ATP6V1E1: variants seen among roughly 807,000 people sequenced by gnomAD.
ATP6V1E1 encodes the protein V-type proton ATPase subunit E 1.
In ATP6V1E1, 21 loss-of-function variants were observed where a neutral mutation model predicts 35.2. That is an observed-to-expected ratio of 0.60 (90% CI 0.42 to 0.86). The LOEUF is 0.86. Among genes scored for constraint, ATP6V1E1 ranks in the 40% least tolerant of loss-of-function variants. ATP6V1E1 has a pLI of 0.00. For missense variants in ATP6V1E1, 183 were observed against 272.6 expected, an observed-to-expected ratio of 0.67 and a Z score of 2.32; for synonymous variants, 83 against 87.8, an observed-to-expected ratio of 0.95 and a Z score of 0.30.
At chr22:17,605,935 T>C (rs1342942072) in intron 4 of ATP6V1E1, among the ~76,000 whole-genome samples, 1 of 151,976 alleles carries the variant, frequency 6.6e-6, no homozygotes, top group African/African-American at 2.4e-5. Flanking sequence ...GTGGGGATTA[T>C]AGGCATGGGG....
chr22:17,626,123 A>G (rs2057903172), intron 1 of ATP6V1E1, among the ~76,000 whole-genome samples: 1 of 151,728 alleles, frequency 6.6e-6, no homozygotes, highest in Non-Finnish European at 1.5e-5. Flanking sequence ...TGGCTAATAC[A>G]GTGAAACCCC....
chr22:17,619,871 T>TA (rs1393860834), intron 1 of ATP6V1E1, among the ~76,000 whole-genome samples: 1 of 152,210 alleles, frequency 6.6e-6, no homozygotes, highest in Admixed American at 6.5e-5. Context: ...ATAACACAGA[T>TA]AAATAGGACC....
chr22:17,622,295 C>T (rs914177368), intron 1 of ATP6V1E1, among the ~76,000 whole-genome samples: 3 of 152,154 alleles, frequency 2.0e-5, no homozygotes, highest in East Asian at 1.9e-4. Flanking sequence ...ACAACCACCA[C>T]CATAGGAGAT....
At chr22:17,613,173 A>G in intron 3 of ATP6V1E1, 38 bp downstream of exon 3, 1 of 1,579,646 alleles carries the variant, frequency 6.3e-7, no homozygotes, top group Non-Finnish European at 8.7e-7. Context: ...GACTTCAGAA[A>G]ACTTCTTAGC....
intron 1 of ATP6V1E1, among the ~76,000 whole-genome samples, chr22:17,620,365 T>C (rs2057869829): frequency 6.6e-6 from 1 of 151,942 alleles, no homozygotes; most frequent in Non-Finnish European, 1.5e-5. Context: ...GCCAGGATGG[T>C]CTCGATCTCC....
intron 1 of ATP6V1E1, among the ~76,000 whole-genome samples, chr22:17,621,979 G>A (rs930699809): frequency 3.3e-5 from 5 of 152,136 alleles, no homozygotes; most frequent in South Asian, 2.1e-4. Context: ...GAAGGCTTCC[G>A]AATGGGGCTT....
chr22:17,617,159 C>G (rs1262748235), intron 2 of ATP6V1E1, among the ~76,000 whole-genome samples: 2 of 152,148 alleles, frequency 1.3e-5, no homozygotes, highest in Non-Finnish European at 2.9e-5. Context: ...TTTTCTTCTT[C>G]AAATGATAAA....
At chr22:17,616,679 C>CAAAAAA (rs374090230) in intron 2 of ATP6V1E1, among the ~76,000 whole-genome samples, 1 of 52,656 alleles carries the variant, frequency 1.9e-5, no homozygotes, top group African/African-American at 7.5e-5. Context: ...AACTCCGGCT[C>CAAAAAA]AAAAAAAAAA....
At chr22:17,593,257 A>C (rs1043207957) in intron 8 of ATP6V1E1, among the ~76,000 whole-genome samples, 1 of 151,866 alleles carries the variant, frequency 6.6e-6, no homozygotes, top group African/African-American at 2.4e-5. Flanking sequence ...GACTGCTTAC[A>C]AAAGGGACAC....
intron 4 of ATP6V1E1, among the ~76,000 whole-genome samples, chr22:17,605,215 AAAAAAAAAG>A (rs2057780245): frequency 6.8e-6 from 1 of 147,818 alleles, no homozygotes; most frequent in East Asian, 2.0e-4. Context: ...CAAAAAAAAA[AAAAAAAAAG>A]AAAAGAAAAG....
At position 17,628,696 on chromosome 22, in the gene ATP6V1E1, G is replaced by T; in HGVS notation, c.-61C>A. ...CGAGTTTAGGTTTGAAAGGTGAGGT[G>T]AGAGAAATCGGCAAAGGGAACCCCT... On this transcript the variant is annotated 5_prime_UTR_variant, in exon 1 of 9. Transcript: ENST00000253413. 3 of 1,609,422 alleles carry T rather than the reference G, an allele frequency of 1.9e-6. No homozygotes were observed. In the South Asian group the frequency reaches 3.3e-5, roughly 18 times the overall value.
At chr22:17,597,072 T>G (rs1046166287) in intron 7 of ATP6V1E1, among the ~76,000 whole-genome samples, 8 of 151,706 alleles carry the variant, frequency 5.3e-5, no homozygotes, top group Non-Finnish European at 8.8e-5. Flanking sequence ...AAACCCCATC[T>G]CTACTAAAAA....
intron 1 of ATP6V1E1, among the ~76,000 whole-genome samples, chr22:17,620,436 C>T (rs1047478421): frequency 3.3e-5 from 5 of 151,810 alleles, no homozygotes; most frequent in Non-Finnish European, 5.9e-5. Context: ...CGTGAGCCAC[C>T]GCGCACGGCG....
intron 1 of ATP6V1E1, 24 bp downstream of exon 1, chr22:17,628,579 G>GT (rs765632626): frequency 1.0e-4 from 168 of 1,614,008 alleles, no homozygotes; most frequent in Non-Finnish European, 1.3e-4. Flanking sequence ...CCGCGGCTTC[G>GT]TAAGACCCAA....
chr22:17,612,081 T>C (rs777669712), intron 4 of ATP6V1E1, among the ~76,000 whole-genome samples: 1 of 152,232 alleles, frequency 6.6e-6, no homozygotes, highest in Non-Finnish European at 1.5e-5. Context: ...GGATTAGTTA[T>C]AGGATCTTAT....
chr22:17,595,857 G>A (rs1266403246), intron 7 of ATP6V1E1, among the ~76,000 whole-genome samples: 2 of 151,878 alleles, frequency 1.3e-5, no homozygotes, highest in African/African-American at 4.8e-5. Flanking sequence ...GAGGCTGGGT[G>A]CGGTGGCTCA....
chr22:17,608,869 G>A (rs957750604), intron 4 of ATP6V1E1, among the ~76,000 whole-genome samples: 6 of 152,118 alleles, frequency 3.9e-5, no homozygotes. Flanking sequence ...GGCAGATCAC[G>A]AGGTCAGGAA....
At chr22:17,594,280 A>C (rs547436297) in intron 8 of ATP6V1E1, among the ~76,000 whole-genome samples, 2 of 152,176 alleles carry the variant, frequency 1.3e-5, no homozygotes, top group Non-Finnish European at 2.9e-5. Flanking sequence ...TCAGCACCTT[A>C]CATGTAGTAA....
At position 17,620,954 on chromosome 22, in the gene ATP6V1E1, T is replaced by C. The variant is rs767226909; in HGVS notation, c.34-1428A>G. On this transcript the variant is annotated intron_variant, in intron 1 of 8. Transcript: ENST00000253413. Reference sequence around the variant, plus strand: ...GCGGGCGCCTGTAGTTCCAGCTACTTGGGAGGCTGAGGCAGGAGAATGGCG... The same window carrying C: ...GCGGGCGCCTGTAGTTCCAGCTACTCGGGAGGCTGAGGCAGGAGAATGGCG... Among the ~76,000 whole-genome samples, 18 of 151,944 alleles carry C rather than the reference T, an allele frequency of 1.2e-4. No individual in the cohort carries two copies. In the South Asian group the frequency reaches 1.2e-3, roughly 11 times the overall value.
Sources: gnomAD v4.1 joint callset for allele counts (sites outside exome capture counted in the v4.1 genomes callset) on GRCh38, gnomAD v4.1.1 for gene constraint, MANE v1.5 for transcripts, NCBI Gene and HGNC (gene_info 2026-07-23, HGNC 2026-07-21) for gene names.